The following CCDC102B variants were observed in gnomAD, a reference collection of about 807,000 sequenced individuals.
CCDC102B encodes the protein coiled-coil domain containing 102B.
In CCDC102B, 75 loss-of-function variants were observed where a neutral mutation model predicts 57.4. That is an observed-to-expected ratio of 1.31 (90% CI 1.08 to 1.58). The LOEUF is 1.58. Ranked by LOEUF, CCDC102B falls within the 40% of genes most tolerant of loss-of-function variation. The pLI is 0.00. For synonymous variants in CCDC102B, 206 were observed against 201.9 expected (o/e 1.02, Z -0.17); for missense variants, 636 against 582.6 (o/e 1.09, Z -0.94).
At chr18:68,936,376 G>A (rs73463861) in intron 6 of CCDC102B, among the ~76,000 whole-genome samples, 2 of 151,944 alleles carry the variant, frequency 1.3e-5, no homozygotes, top group African/African-American at 4.8e-5. Context: ...GTAGGTAGAG[G>A]TGTTCCTCTT....
intron 7 of CCDC102B, among the ~76,000 whole-genome samples, chr18:69,036,941 G>A (rs2145460181): frequency 6.6e-6 from 1 of 151,922 alleles, no homozygotes; most frequent in Middle Eastern, 3.4e-3. Flanking sequence ...AGAAAAACAG[G>A]TGATATATGA....
intron 5 of CCDC102B, among the ~76,000 whole-genome samples, chr18:68,887,431 G>A (rs571874400): frequency 1.6e-4 from 25 of 152,202 alleles, no homozygotes; most frequent in East Asian, 1.2e-3. Flanking sequence ...TTATCTAATC[G>A]TTTGGGAAAT....
intron 6 of CCDC102B, among the ~76,000 whole-genome samples, chr18:68,948,488 G>A (rs2049601549): frequency 7.3e-6 from 1 of 136,698 alleles, no homozygotes; most frequent in African/African-American, 3.1e-5. Context: ...CAAAATTGAA[G>A]TGTATTTGGA....
At position 68,960,019 on chromosome 18, in the gene CCDC102B, AAG is replaced by A. The variant is rs986487436; in HGVS notation, c.1264-50914_1264-50913del. Reference sequence around the variant, plus strand: ...GAGCTGGTACCCAAGCTGGAAGACAAAGGTCCCCTTCACTCTTTTCTCTTCTT... The same window carrying A: ...GAGCTGGTACCCAAGCTGGAAGACAAGTCCCCTTCACTCTTTTCTCTTCTT... On this transcript the variant is annotated intron_variant, in intron 6 of 7. Coordinates refer to ENST00000360242, the MANE Select transcript of CCDC102B (RefSeq NM_024781.3). Among the ~76,000 whole-genome samples the A allele has an allele frequency of 4.4e-4, 67 of 152,240 alleles. 1 individual carries two copies. Among genetic ancestry groups the A allele is most frequent in the African/African-American group, 1.6e-3 (65 of 41,554 alleles).
intron 6 of CCDC102B, among the ~76,000 whole-genome samples, chr18:69,001,980 T>C (rs1288217206): frequency 6.6e-6 from 1 of 152,192 alleles, no homozygotes; most frequent in African/African-American, 2.4e-5. Flanking sequence ...CAAGACCTAA[T>C]TATTAGAGTA....
chr18:69,044,750 AC>A (rs2052517655), intron 7 of CCDC102B, among the ~76,000 whole-genome samples: 1 of 152,196 alleles, frequency 6.6e-6, no homozygotes, highest in African/African-American at 2.4e-5. Context: ...GTTGGGAACC[AC>A]GTTTGGGATC....
intron 1 of CCDC102B, among the ~76,000 whole-genome samples, chr18:68,824,807 G>A (rs140625868): frequency 4.4e-4 from 67 of 152,264 alleles, no homozygotes; most frequent in Admixed American, 1.8e-3. Context: ...AAAAAAATGT[G>A]TAATAATAAC....
chr18:68,847,331 G>A (rs964235923), intron 4 of CCDC102B, among the ~76,000 whole-genome samples: 3 of 151,694 alleles, frequency 2.0e-5, no homozygotes, highest in African/African-American at 7.3e-5. Context: ...ATTATGTTTA[G>A]AATGTGTGTT....
chr18:68,952,921 A>G (rs2049738896), intron 6 of CCDC102B, among the ~76,000 whole-genome samples: 1 of 152,160 alleles, frequency 6.6e-6, no homozygotes, highest in African/African-American at 2.4e-5. Flanking sequence ...CATGTATACT[A>G]CACACATGGG....
intron 2 of CCDC102B, among the ~76,000 whole-genome samples, chr18:68,763,594 C>T (rs1410819854): frequency 6.6e-6 from 1 of 151,856 alleles, no homozygotes; most frequent in Non-Finnish European, 1.5e-5. Flanking sequence ...AAGTTGATTG[C>T]CTCTTTCTAT....
At chr18:68,816,665 C>T (rs1599505802) in intron 1 of CCDC102B, among the ~76,000 whole-genome samples, 1 of 151,992 alleles carries the variant, frequency 6.6e-6, no homozygotes, top group Admixed American at 6.5e-5. Context: ...GGGGTTTCAC[C>T]ATGTTAGCCA....
intron 2 of CCDC102B, among the ~76,000 whole-genome samples, chr18:68,745,801 T>C (rs559157401): frequency 6.6e-6 from 1 of 152,330 alleles, no homozygotes; most frequent in Admixed American, 6.5e-5. Flanking sequence ...ATAAACCTTT[T>C]AAGCTTTCAC....
intron 6 of CCDC102B, among the ~76,000 whole-genome samples, chr18:69,003,746 A>G (rs1426051201): frequency 1.3e-5 from 2 of 152,230 alleles, no homozygotes; most frequent in African/African-American, 4.8e-5. Context: ...TTGCTTTTAT[A>G]TGTGCTTTTA....
chr18:69,026,622 A>G (rs1441711465), intron 7 of CCDC102B, among the ~76,000 whole-genome samples: 1 of 152,094 alleles, frequency 6.6e-6, no homozygotes, highest in Non-Finnish European at 1.5e-5. Context: ...ATCCTCCCTG[A>G]AGTCAGAGAA....
chr18:68,847,102 G>T (rs998000684), intron 4 of CCDC102B, among the ~76,000 whole-genome samples: 1 of 151,716 alleles, frequency 6.6e-6, no homozygotes, highest in Non-Finnish European at 1.5e-5. Context: ...GTAAAGAAAA[G>T]AAAAATAATG....
At chr18:68,846,036 G>A (rs8088970) in intron 3 of CCDC102B, among the ~76,000 whole-genome samples, 3,919 of 151,816 alleles carry the variant, frequency 0.026, 177 homozygotes, top group African/African-American at 0.089. Flanking sequence ...TGAGAGGCAA[G>A]CATGAAATAC....
chr18:69,055,664 C>T (rs569373242), downstream of CCDC102B, among the ~76,000 whole-genome samples: 1 of 152,146 alleles, frequency 6.6e-6, no homozygotes, highest in South Asian at 2.1e-4. Context: ...GTGGCTGTGC[C>T]CCAAGTGGGT....
chr18:68,794,764 C>T (rs931359188), upstream of CCDC102B, among the ~76,000 whole-genome samples: 11 of 151,906 alleles, frequency 7.2e-5, no homozygotes, highest in South Asian at 4.1e-4. Flanking sequence ...ACCATGGTGT[C>T]GATGTACCCT....
At chr18:68,775,095 T>A (rs1169378346) in intron 2 of CCDC102B, among the ~76,000 whole-genome samples, 1 of 151,334 alleles carries the variant, frequency 6.6e-6, no homozygotes, top group African/African-American at 2.4e-5. Flanking sequence ...TATAGAAATA[T>A]CCCTCATTCT....
Sources: gnomAD v4.1 joint callset for allele counts (sites outside exome capture counted in the v4.1 genomes callset) on GRCh38, gnomAD v4.1.1 for gene constraint, MANE v1.5 for transcripts, NCBI Gene and HGNC (gene_info 2026-07-23, HGNC 2026-07-21) for gene names.